HFM1: variants seen among roughly 807,000 people sequenced by gnomAD.
The protein encoded by HFM1 is helicase for meiosis 1.
HFM1 carries 169 observed loss-of-function variants against 192.1 expected under a neutral mutation model. The observed-to-expected ratio is 0.88, with a 90% CI of 0.78 to 1.00. The LOEUF (loss-of-function observed/expected upper bound fraction) is 1.00, where lower values mean the gene tolerates loss of function less well. Among genes scored for constraint, HFM1 ranks in the 50% least tolerant of loss-of-function variants. HFM1 has a pLI of 0.00. For missense variants in HFM1, 1,661 were observed against 1,668.0 expected (o/e 1.00, Z 0.07); for synonymous variants, 525 against 537.8 (o/e 0.98, Z 0.33).
intron 6 of HFM1, among the ~76,000 whole-genome samples, chr1:91,382,782 A>C (rs1661707696): frequency 6.6e-6 from 1 of 152,206 alleles, no homozygotes; most frequent in Admixed American, 6.5e-5. Flanking sequence ...TTCAGCTCAT[A>C]AGAAAACTCA....
At chr1:91,406,586 A>G (rs934685722), upstream of HFM1, among the ~76,000 whole-genome samples, 1 of 152,256 alleles carries the variant, frequency 6.6e-6, no homozygotes, top group African/African-American at 2.4e-5. Flanking sequence ...CATGGTTTTT[A>G]GTAATGTTGC....
At chr1:91,284,957 TG>T (rs1244359822) in intron 30 of HFM1, among the ~76,000 whole-genome samples, 2 of 152,258 alleles carry the variant, frequency 1.3e-5, no homozygotes, top group East Asian at 1.9e-4. Flanking sequence ...GGGAGAGACC[TG>T]GGGGAGATAA....
chr1:91,289,388 G>A (rs920085084), intron 30 of HFM1, among the ~76,000 whole-genome samples: 48 of 151,960 alleles, frequency 3.2e-4, no homozygotes, highest in Middle Eastern at 3.4e-3. Context: ...CTGGGCGGCC[G>A]GGCAGAAGGG....
chr1:91,363,862 G>T (rs555045943), intron 13 of HFM1, among the ~76,000 whole-genome samples: 1 of 152,226 alleles, frequency 6.6e-6, no homozygotes, highest in Admixed American at 6.5e-5. Context: ...GCCGTAAAAA[G>T]GAATGATATC....
At chr1:91,366,350 C>A (rs574031034) in intron 13 of HFM1, among the ~76,000 whole-genome samples, 1 of 152,166 alleles carries the variant, frequency 6.6e-6, no homozygotes, top group Non-Finnish European at 1.5e-5. Flanking sequence ...TCTCTCAAAA[C>A]TGCCTTCAGA....
At chr1:91,324,911 A>C in intron 20 of HFM1, 145 bp from the exon 21 acceptor site, 1 of 657,068 alleles carries the variant, frequency 1.5e-6, no homozygotes, top group Non-Finnish European at 2.8e-6. Flanking sequence ...CAGGAACACC[A>C]AATTTTAACA....
At chr1:91,402,665 T>C (rs1664432898) in intron 1 of HFM1, among the ~76,000 whole-genome samples, 1 of 152,130 alleles carries the variant, frequency 6.6e-6, no homozygotes, top group African/African-American at 2.4e-5. Context: ...GTTAATCATG[T>C]TTTTATATTG....
chr1:91,286,965 C>T lies in HFM1; in HGVS notation c.3392-9903G>A, dbSNP rs139918057. ...GCGCTTTTCCGACGGGCTTAAAAAA[C>T]GGCGCACCACGAGATTATATCCCGC... On this transcript the variant is annotated intron_variant, in intron 30 of 38. Coordinates refer to ENST00000370425, the MANE Select transcript of HFM1 (RefSeq NM_001017975.6). Among the ~76,000 whole-genome samples, 833 of 152,294 alleles carry T rather than the reference C, an allele frequency of 5.5e-3. 5 individuals are homozygous for T. The highest frequency in any genetic ancestry group is 0.019 in the African/African-American group (796 of 41,576).
intron 30 of HFM1, among the ~76,000 whole-genome samples, chr1:91,286,511 C>A (rs148472223): frequency 6.6e-6 from 1 of 152,218 alleles, no homozygotes; most frequent in East Asian, 1.9e-4. Flanking sequence ...ATGGAGTTTT[C>A]TTGGTGTCTG....
Position 91,350,909 on chromosome 1 carries a change from C to A in HFM1, c.2073-38G>T. Reference sequence around the variant, plus strand: ...AACTTTGCATTATGAATATGCAGTTCAATGCCATAACTCTTACTTTTTAAC... The same window carrying A: ...AACTTTGCATTATGAATATGCAGTTAAATGCCATAACTCTTACTTTTTAAC... On this transcript the variant is annotated intron_variant, in intron 17 of 38. Transcript: ENST00000370425. 2.0e-6 allele frequency: 3 copies of A among 1,511,564 alleles called. No individual in the cohort carries two copies. The South Asian group carries it at 3.8e-5, about 19-fold the overall frequency. The allele number at this position is 1,511,564 out of a possible 1,614,324, so 93.6% of individuals were successfully genotyped here.
chr1:91,349,907 C>G (rs1223088889), intron 18 of HFM1, among the ~76,000 whole-genome samples: 2 of 152,090 alleles, frequency 1.3e-5, no homozygotes, highest in South Asian at 2.1e-4. Flanking sequence ...TTCTTATTTA[C>G]TTTTATATGC....
chr1:91,290,074 G>A (rs1269894050), intron 30 of HFM1, among the ~76,000 whole-genome samples: 5 of 151,956 alleles, frequency 3.3e-5, no homozygotes, highest in African/African-American at 4.8e-5. Flanking sequence ...AGGAACAATC[G>A]GTACCAGCCG....
intron 13 of HFM1, among the ~76,000 whole-genome samples, chr1:91,370,879 T>C (rs1468495677): frequency 1.3e-5 from 2 of 152,270 alleles, no homozygotes; most frequent in Admixed American, 6.5e-5. Flanking sequence ...AGCTGATAGA[T>C]AACTTCAGCA....
intron 30 of HFM1, among the ~76,000 whole-genome samples, chr1:91,305,456 C>CATTCAGAA (rs1407833756): frequency 3.9e-5 from 6 of 152,112 alleles, no homozygotes; most frequent in Non-Finnish European, 5.9e-5. Flanking sequence ...ATATTGACTG[C>CATTCAGAA]ATTCAGTGAT....
chr1:91,311,472 A>G (rs4658212), intron 30 of HFM1, among the ~76,000 whole-genome samples: 10,766 of 152,014 alleles, frequency 0.071, 509 homozygotes, highest in East Asian at 0.16. Flanking sequence ...CTAAAAATAC[A>G]AAAATTAGCC....
At chr1:91,283,495 C>G (rs1162371809) in intron 30 of HFM1, among the ~76,000 whole-genome samples, 1 of 152,218 alleles carries the variant, frequency 6.6e-6, no homozygotes, top group South Asian at 2.1e-4. Flanking sequence ...TCAAGCAATC[C>G]ACCCACTTCG....
intron 34 of HFM1, among the ~76,000 whole-genome samples, chr1:91,268,860 T>C (rs1015056532): frequency 4.6e-5 from 7 of 152,082 alleles, no homozygotes; most frequent in Non-Finnish European, 8.8e-5. Context: ...TTGTTGACTC[T>C]AACAAGTAAG....
At chr1:91,387,917 T>TAAAAAAAAAAATAAAAAAAAAAA (rs1662441443) in intron 4 of HFM1, among the ~76,000 whole-genome samples, 1 of 97,334 alleles carries the variant, frequency 1.0e-5, no homozygotes, top group Admixed American at 1.1e-4. Flanking sequence ...AGAGTATAAT[T>TAAAAAAAAAAATAAAAAAAAAAA]AAAAAAAAAA....
At chr1:91,349,820 A>G (rs964493373) in intron 18 of HFM1, among the ~76,000 whole-genome samples, 1 of 152,212 alleles carries the variant, frequency 6.6e-6, no homozygotes, top group Non-Finnish European at 1.5e-5. Flanking sequence ...GTTTCAGGGT[A>G]ATTTGTTAAA....
Sources: gnomAD v4.1 joint callset for allele counts (sites outside exome capture counted in the v4.1 genomes callset) on GRCh38, gnomAD v4.1.1 for gene constraint, MANE v1.5 for transcripts, NCBI Gene and HGNC (gene_info 2026-07-23, HGNC 2026-07-21) for gene names.